The following ITPR3 variants were observed in gnomAD, a reference collection of about 807,000 sequenced individuals.
The protein encoded by ITPR3 is inositol 1,4,5-trisphosphate-gated calcium channel ITPR3.
A neutral mutation model predicts 293.2 loss-of-function variants in ITPR3; 173 were observed. That is an observed-to-expected ratio of 0.59 (90% CI 0.52 to 0.67). The LOEUF (loss-of-function observed/expected upper bound fraction) is 0.67. ITPR3 is among the 30% of genes least tolerant of loss of function. The pLI is 0.00. For synonymous variants in ITPR3, 1,295 were observed against 1,444.4 expected, an observed-to-expected ratio of 0.90 and a Z score of 2.35; for missense variants, 2,796 against 3,592.1, an observed-to-expected ratio of 0.78 and a Z score of 5.66.
In ITPR3 at chr6:33,678,713, G is replaced by T; in HGVS notation, c.3846G>T (p.Val1282=). 6.2e-7 allele frequency: 1 copy of T among 1,613,498 alleles called. No individual in the cohort carries two copies. The highest frequency in any genetic ancestry group is 2.2e-5 in the East Asian group (1 of 44,882). The part of the protein sequence containing the change: ...YQLCSEISEP[V]LQHFVHLLAT... ...TCTGCTCCGAGATCAGCGAGCCTGT[G>T]TTGCAGCACTTCGTGCACCTGCTGG... Residue 1282 remains valine, a synonymous_variant, in exon 30 of 58, where the codon GTG becomes GTT. Coordinates refer to ENST00000605930, the MANE Select transcript of ITPR3 (RefSeq NM_002224.4).
chr6:33,660,362 G>A (rs145141911), intron 7 of ITPR3, among the ~76,000 whole-genome samples: 10 of 152,066 alleles, frequency 6.6e-5, no homozygotes, highest in African/African-American at 2.2e-4. Flanking sequence ...CTGCTCGGAA[G>A]CTGCAATGGC....
In ITPR3 at chr6:33,675,935, G is replaced by T; in HGVS notation, c.3282+79G>T. 1 of 1,428,924 alleles carries T rather than the reference G, an allele frequency of 7.0e-7. No homozygotes were observed. Among genetic ancestry groups the T allele is most frequent in the South Asian group, 1.5e-5 (1 of 68,596 alleles). The allele number at this position is 1,428,924 out of a possible 1,614,324, so 88.5% of individuals were successfully genotyped here. ...GGGGACAGTAAACGATGATTGAGGA[G>T]CTCACAGCTCAAGGGGTAACTTGGG... is the stretch of plus-strand genomic sequence containing the variant. On this transcript the variant is annotated intron_variant, in intron 25 of 57. Transcript: ENST00000605930. The surrounding 1 kb of genome is among the most constrained non-coding windows in gnomAD (Gnocchi z 5.0).
intron 1 of ITPR3, among the ~76,000 whole-genome samples, chr6:33,635,581 C>G (rs1436038212): frequency 2.6e-5 from 4 of 152,106 alleles, no homozygotes. Flanking sequence ...AGCTAGCCAA[C>G]CAGGTGGTGA....
Position 33,690,138 on chromosome 6 carries a change from G to A in ITPR3, c.6972G>A (p.Val2324=), listed in dbSNP as rs1255705874. 6.2e-7 allele frequency: 1 copy of A among 1,614,188 alleles called. No homozygotes were observed. The highest frequency in any genetic ancestry group is 1.7e-5 in the Admixed American group (1 of 60,028). ...TGGACATGGAATTCCTCTACCACGTGGGCTACATCCTGACCAGTGTCCTGG... is the reference window on the plus strand; with the variant it reads ...TGGACATGGAATTCCTCTACCACGTAGGCTACATCCTGACCAGTGTCCTGG... ...MVMDMEFLYH[V]GYILTSVLGL... is the part of the protein sequence containing the mutation. Residue 2324 remains valine, a synonymous_variant, in exon 51 of 58, where the codon GTG becomes GTA. Transcript: ENST00000605930.
At position 33,694,726 on chromosome 6, in the gene ITPR3, G is replaced by A. The variant is rs1582173656; in HGVS notation, c.7786-198G>A. 1.4e-5 allele frequency: 9 copies of A among 623,990 alleles called. No individual in the cohort carries two copies. In the East Asian group the frequency reaches 2.7e-4, roughly 18 times the overall value. 38.7% of individuals were successfully genotyped at this position (623,990 alleles called of 1,614,324 possible). On this transcript the variant is annotated intron_variant, in intron 56 of 57. Transcript: ENST00000605930. ...AAGTCAGCCTGTCTCGGTGGCAGAGGGTTGACAAGAGGGTTGACTGCCAGC... is the reference window on the plus strand; with the variant it reads ...AAGTCAGCCTGTCTCGGTGGCAGAGAGTTGACAAGAGGGTTGACTGCCAGC...
chr6:33,680,262 C>G lies in ITPR3; in HGVS notation c.4225-67C>G, dbSNP rs564160937. ...GGAACCGGAGGCCAGGGGACAGGAG[C>G]ATTGTGGCAGGGAGAGCCTGGCCAG... On this transcript the variant is annotated intron_variant, in intron 31 of 57. Transcript: ENST00000605930. 66 of 1,582,988 alleles carry G rather than the reference C, an allele frequency of 4.2e-5. No homozygotes were observed. In the African/African-American group the frequency reaches 7.4e-4, roughly 18 times the overall value.
intron 23 of ITPR3, 58 bp from the exon 24 acceptor site, chr6:33,674,150 C>T (rs1222069307): frequency 3.1e-6 from 5 of 1,595,016 alleles, no homozygotes; most frequent in Non-Finnish European, 4.3e-6. Context: ...TCTCCCTGTG[C>T]TCCCCTCTTT....
rs1306372022 is a variant in ITPR3 at position 33,682,276 on chromosome 6, G to C, written c.4477-248G>C. Among the ~76,000 whole-genome samples, 1 of 152,182 alleles carries C rather than the reference G, an allele frequency of 6.6e-6. No homozygotes were observed. The highest frequency in any genetic ancestry group is 2.4e-5 in the African/African-American group (1 of 41,432). ...TAATTTTTTTAAACATTTTTTAAAA[G>C]GGTCAGCAACATGGCTATGAGCCCA... On this transcript the variant is annotated intron_variant, in intron 33 of 57. Transcript: ENST00000605930. This position sits in a 1 kb window ranked among gnomAD's most constrained non-coding sequence, Gnocchi z 5.4.
In ITPR3 at chr6:33,666,022, G is replaced by C; in HGVS notation, c.1551+46G>C. 6.5e-7 allele frequency: 1 copy of C among 1,545,696 alleles called. No homozygotes were observed. The highest frequency in any genetic ancestry group is 8.8e-7 in the Non-Finnish European group (1 of 1,141,244). On this transcript the variant is annotated intron_variant, in intron 14 of 57. Transcript: ENST00000605930. This position sits in a 1 kb window ranked among gnomAD's most constrained non-coding sequence, Gnocchi z 5.1. ...GGACGCAGAGGGGCCGGGTGCCCGG[G>C]AGAGGGATGCCTTCAACTGCAGGCT...
chr6:33,668,733 C>T, intron 17 of ITPR3, 99 bp downstream of exon 17: 1 of 1,551,396 alleles, frequency 6.4e-7, no homozygotes, highest in Non-Finnish European at 8.8e-7. Flanking sequence ...GGAACTGGCA[C>T]CCTTGCTCTC....
chr6:33,682,760 G>C lies in ITPR3; in HGVS notation c.4597+116G>C. The stretch of plus-strand genomic sequence containing the variant: ...TAAGCTCGCCCATCTCCTGCTCCCA[G>C]GTGGTTGTCAGTAAGTTCTTCTTGG... On this transcript the variant is annotated intron_variant, in intron 34 of 57. Transcript: ENST00000605930. The surrounding 1 kb of genome is among the most constrained non-coding windows in gnomAD (Gnocchi z 5.4). The C allele has an allele frequency of 2.2e-6, 3 of 1,348,016 alleles. No individual in the cohort carries two copies. The highest frequency in any genetic ancestry group is 1.5e-5 in the African/African-American group (1 of 65,024). 83.5% of individuals were successfully genotyped at this position (1,348,016 alleles called of 1,614,324 possible).
chr6:33,630,602 AC>A (rs1251339139), intron 1 of ITPR3, among the ~76,000 whole-genome samples: 1 of 151,844 alleles, frequency 6.6e-6, no homozygotes, highest in Non-Finnish European at 1.5e-5. Flanking sequence ...CGCTGTAGAG[AC>A]CCCAGGACTT....
chr6:33,665,799 A>T (rs764590995), intron 13 of ITPR3, 36 bp from the exon 14 acceptor site: 3 of 1,609,994 alleles, frequency 1.9e-6, no homozygotes, highest in Non-Finnish European at 2.5e-6. Context: ...CTGGGTGGGT[A>T]TCTCACACTC....
intron 1 of ITPR3, among the ~76,000 whole-genome samples, chr6:33,627,768 T>C (rs1278650741): frequency 6.6e-6 from 1 of 152,140 alleles, no homozygotes; most frequent in Non-Finnish European, 1.5e-5. Context: ...CATGTGTGAG[T>C]GTTGCACTAG....
intron 2 of ITPR3, among the ~76,000 whole-genome samples, chr6:33,648,961 G>A (rs1321870636): frequency 5.9e-5 from 9 of 151,820 alleles, no homozygotes; most frequent in Admixed American, 2.0e-4. Flanking sequence ...GTGCAGTGGC[G>A]CAATCTCGGC....
chr6:33,679,829 C>T lies in ITPR3; in HGVS notation c.3973-53C>T. The T allele has an allele frequency of 6.4e-7, 1 of 1,570,936 alleles. No individual in the cohort carries two copies. Among genetic ancestry groups the T allele is most frequent in the Non-Finnish European group, 8.7e-7 (1 of 1,155,168 alleles). ...CCCTGGTAAGCAACGGAGAGGAGAG[C>T]CCAGGGCTTGCTGGACCGAGAGAGT... On this transcript the variant is annotated intron_variant, in intron 30 of 57. Coordinates refer to ENST00000605930, the MANE Select transcript of ITPR3 (RefSeq NM_002224.4). The surrounding 1 kb of genome is among the most constrained non-coding windows in gnomAD (Gnocchi z 4.2).
intron 33 of ITPR3, among the ~76,000 whole-genome samples, chr6:33,681,369 G>T (rs1194697044): frequency 6.6e-6 from 1 of 152,230 alleles, no homozygotes; most frequent in Non-Finnish European, 1.5e-5. Flanking sequence ...TCCCTGGCAG[G>T]ATCCTTCGTG....
intron 1 of ITPR3, among the ~76,000 whole-genome samples, chr6:33,629,953 T>C (rs1476038729): frequency 6.6e-6 from 1 of 152,090 alleles, no homozygotes; most frequent in East Asian, 2.0e-4. Context: ...TAGCTGGGCA[T>C]CGTGGCACAT....
intron 22 of ITPR3, among the ~76,000 whole-genome samples, chr6:33,673,246 C>G (rs886637551): frequency 4.6e-5 from 7 of 152,232 alleles, no homozygotes; most frequent in African/African-American, 1.7e-4. Context: ...GTTTTTGGAC[C>G]TGGGGGCTTC....
Sources: allele counts gnomAD v4.1 joint callset (sites outside exome capture counted in the v4.1 genomes callset), GRCh38; gene constraint gnomAD v4.1.1; non-coding constraint Gnocchi (gnomAD v3.1); transcripts MANE v1.5; gene names NCBI Gene and HGNC (gene_info 2026-07-23, HGNC 2026-07-21).